The following BRINP1 variants were observed in gnomAD, a reference collection of about 807,000 sequenced individuals.
The protein encoded by BRINP1 is BMP/retinoic acid inducible neural specific 1, also known as BMP/retinoic acid-inducible neural-specific protein 1.
BRINP1 carries 17 observed loss-of-function variants against 72.9 expected under a neutral mutation model. The observed-to-expected ratio is 0.23, with a 90% CI of 0.16 to 0.35. The LOEUF (loss-of-function observed/expected upper bound fraction) is 0.35. Ranked by LOEUF, BRINP1 falls within the 10% of genes least tolerant of loss-of-function variation. BRINP1 has a pLI of 1.00. For missense variants in BRINP1, 850 were observed against 1,001.6 expected, an observed-to-expected ratio of 0.85 and a Z score of 2.04; for synonymous variants, 418 against 378.5, an observed-to-expected ratio of 1.10 and a Z score of -1.21.
intron 1 of BRINP1, among the ~76,000 whole-genome samples, chr9:119,326,253 G>T (rs4836762): frequency 1.3e-5 from 2 of 151,874 alleles, no homozygotes; most frequent in South Asian, 2.1e-4. Context: ...TATGACTCAG[G>T]GTTTTAAAAC....
chr9:119,275,945 C>A lies in BRINP1; in HGVS notation c.219-26795G>T, dbSNP rs78837700. ...CCATCTGATCACCCACTCACTTCTGCCCTTCGTTTCTCTCCTCTCCCATCC... is the reference window on the plus strand; with the variant it reads ...CCATCTGATCACCCACTCACTTCTGACCTTCGTTTCTCTCCTCTCCCATCC... On this transcript the variant is annotated intron_variant, in intron 2 of 7. Transcript: ENST00000265922. Among the ~76,000 whole-genome samples, 313 of 152,254 alleles carry A rather than the reference C, an allele frequency of 2.1e-3. 4 individuals carry two copies. In the East Asian group the frequency reaches 0.042, roughly 21 times the overall value.
At chr9:119,344,013 C>G (rs1249150782) in intron 1 of BRINP1, among the ~76,000 whole-genome samples, 1 of 152,198 alleles carries the variant, frequency 6.6e-6, no homozygotes, top group Non-Finnish European at 1.5e-5. Flanking sequence ...TTTAGTTGCT[C>G]CTTCCTCCAG....
chr9:119,243,987 T>G (rs1368455628), intron 3 of BRINP1, among the ~76,000 whole-genome samples: 1 of 152,134 alleles, frequency 6.6e-6, no homozygotes, highest in East Asian at 1.9e-4. Context: ...AGCTATAACT[T>G]TTGCTGCTCT....
chr9:119,262,377 T>C (rs550041636), intron 2 of BRINP1, among the ~76,000 whole-genome samples: 2 of 152,224 alleles, frequency 1.3e-5, no homozygotes, highest in South Asian at 4.2e-4. Flanking sequence ...CTCACACCTG[T>C]AATCCCAGCA....
chr9:119,210,631 G>C (rs10984442), intron 6 of BRINP1, among the ~76,000 whole-genome samples: 39,694 of 151,838 alleles, frequency 0.26, 6,432 homozygotes, highest in East Asian at 0.56. Context: ...GGGCAATCCC[G>C]AGGCTCAGTA....
At chr9:119,332,349 G>A (rs527325846) in intron 1 of BRINP1, among the ~76,000 whole-genome samples, 1 of 152,270 alleles carries the variant, frequency 6.6e-6, no homozygotes, top group East Asian at 1.9e-4. Context: ...TTTTGTAGAT[G>A]TTACCTCAAT....
chr9:119,168,350 A>ATACAGGAAGGGCATCGAATATAAAC (rs1829346513), intron 7 of BRINP1, 126 bp from the exon 8 acceptor site: 3 of 692,294 alleles, frequency 4.3e-6, no homozygotes, highest in African/African-American at 3.6e-5. Context: ...AGCAGTGACA[A>ATACAGGAAGGGCATCGAATATAAAC]TACAGGAAGG....
chr9:119,179,063 A>G (rs1415760299), intron 7 of BRINP1, among the ~76,000 whole-genome samples: 1 of 152,050 alleles, frequency 6.6e-6, no homozygotes. Context: ...ATTGCAATCT[A>G]TAAATACCAC....
chr9:119,301,928 A>G (rs1830943364), intron 2 of BRINP1, among the ~76,000 whole-genome samples: 1 of 152,132 alleles, frequency 6.6e-6, no homozygotes, highest in South Asian at 2.1e-4. Context: ...TCACCCATTA[A>G]TCTATTCTTT....
chr9:119,176,655 G>A (rs967916753), intron 7 of BRINP1, among the ~76,000 whole-genome samples: 3 of 152,098 alleles, frequency 2.0e-5, no homozygotes, highest in Non-Finnish European at 4.4e-5. Flanking sequence ...TATTTAAAGT[G>A]CTTAAAAGAG....
chr9:119,218,190 T>C (rs1031142333), intron 5 of BRINP1, among the ~76,000 whole-genome samples: 2 of 147,560 alleles, frequency 1.4e-5, no homozygotes, highest in Non-Finnish European at 1.5e-5. Flanking sequence ...CACTCATTTG[T>C]TGATCAAATA....
At chr9:119,319,482 G>A (rs974605106) in intron 1 of BRINP1, among the ~76,000 whole-genome samples, 9 of 152,186 alleles carry the variant, frequency 5.9e-5, no homozygotes, top group African/African-American at 2.2e-4. Flanking sequence ...ACAAGGATGA[G>A]TACATATGTT....
intron 1 of BRINP1, among the ~76,000 whole-genome samples, chr9:119,362,246 A>G (rs950667586): frequency 6.6e-6 from 1 of 152,164 alleles, no homozygotes; most frequent in Non-Finnish European, 1.5e-5. Flanking sequence ...ATATATAGTG[A>G]TAGAAGCCAG....
At chr9:119,227,360 T>C (rs946187174) in intron 5 of BRINP1, among the ~76,000 whole-genome samples, 3 of 152,076 alleles carry the variant, frequency 2.0e-5, no homozygotes, top group Admixed American at 2.0e-4. Flanking sequence ...CGGTTTCTGA[T>C]TGAGTCTTTG....
intron 1 of BRINP1, among the ~76,000 whole-genome samples, chr9:119,361,608 ATTC>A (rs145603654): frequency 0.19 from 28,131 of 151,316 alleles, 2,838 homozygotes; most frequent in African/African-American, 0.26. Context: ...CATGCAACAT[ATTC>A]TTCTTCTTCT....
At chr9:119,352,966 A>G (rs1318970657) in intron 1 of BRINP1, among the ~76,000 whole-genome samples, 2 of 152,208 alleles carry the variant, frequency 1.3e-5, no homozygotes, top group Non-Finnish European at 2.9e-5. Context: ...TCTGTATTTG[A>G]ATGGGGAAGG....
At chr9:119,274,845 AAGGTAT>A (rs1398595295) in intron 2 of BRINP1, among the ~76,000 whole-genome samples, 3 of 152,208 alleles carry the variant, frequency 2.0e-5, no homozygotes, top group Non-Finnish European at 4.4e-5. Context: ...TCTTCTAATT[AAGGTAT>A]AGATATAGAT....
intron 2 of BRINP1, among the ~76,000 whole-genome samples, chr9:119,296,704 C>T (rs908029696): frequency 6.6e-6 from 1 of 152,126 alleles, no homozygotes; most frequent in African/African-American, 2.4e-5. Flanking sequence ...GAAATCCTGC[C>T]ATTTGTAACA....
intron 2 of BRINP1, among the ~76,000 whole-genome samples, chr9:119,306,144 C>T (rs980307236): frequency 6.6e-6 from 1 of 152,142 alleles, no homozygotes; most frequent in Non-Finnish European, 1.5e-5. Flanking sequence ...AAAAGCTGGA[C>T]AATTGTTCTG....
Sources: gnomAD v4.1 joint callset for allele counts (sites outside exome capture counted in the v4.1 genomes callset) on GRCh38, gnomAD v4.1.1 for gene constraint, MANE v1.5 for transcripts, NCBI Gene and HGNC (gene_info 2026-07-23, HGNC 2026-07-21) for gene names.